RGS6: variants seen among roughly 807,000 people sequenced by gnomAD.
RGS6 encodes the protein regulator of G protein signaling 6, also known as regulator of G-protein signaling 6.
Under a neutral mutation model 78.5 loss-of-function variants are expected in RGS6, and 30 were observed. The observed-to-expected ratio is 0.38, with a 90% CI of 0.29 to 0.52. RGS6 has a LOEUF of 0.52. Among genes scored for constraint, RGS6 ranks in the 20% least tolerant of loss-of-function variants. RGS6 has a pLI of 0.85. For synonymous variants in RGS6, 206 were observed against 206.0 expected (o/e 1.00, Z 0.00); for missense variants, 495 against 609.7 (o/e 0.81, Z 1.98).
intron 1 of RGS6, among the ~76,000 whole-genome samples, chr14:71,942,734 C>T (rs532502350): frequency 4.6e-5 from 7 of 152,050 alleles, no homozygotes; most frequent in African/African-American, 1.7e-4. Context: ...TATGTGGCTA[C>T]CTTTTATATA....
At chr14:72,339,643 G>C (rs1329147907) in intron 2 of RGS6, among the ~76,000 whole-genome samples, 1 of 152,128 alleles carries the variant, frequency 6.6e-6, no homozygotes, top group East Asian at 1.9e-4. Context: ...TGAGGGGAAG[G>C]ACTCCAAGTC....
the RGS6 span, among the ~76,000 whole-genome samples, chr14:72,628,378 T>C: frequency 2.8e-5 from 4 of 143,016 alleles, no homozygotes; most frequent in Admixed American, 2.7e-4. Context: ...TCAAGCATTT[T>C]TTTCCTGCCA....
chr14:72,210,194 T>A (rs2043745778), intron 2 of RGS6, among the ~76,000 whole-genome samples: 2 of 152,324 alleles, frequency 1.3e-5, no homozygotes, highest in South Asian at 2.1e-4. Flanking sequence ...TGAGGATTAA[T>A]CCGTTAGAGC....
intron 2 of RGS6, among the ~76,000 whole-genome samples, chr14:72,184,636 G>A (rs2097215868): frequency 6.6e-6 from 1 of 151,982 alleles, no homozygotes; most frequent in Non-Finnish European, 1.5e-5. Flanking sequence ...GCAGAAGGGG[G>A]GACTTGGGCA....
intron 2 of RGS6, among the ~76,000 whole-genome samples, chr14:72,323,800 CAAAAAAAAAAAAAAAAAAAAA>C (rs58303649): frequency 3.1e-3 from 52 of 16,818 alleles, no homozygotes; most frequent in African/African-American, 7.9e-3. Flanking sequence ...GACTCCATCT[CAAAAAAAAAAAAAAAAAAAAA>C]AAAAAAAAAA....
intron 2 of RGS6, among the ~76,000 whole-genome samples, chr14:72,255,318 A>G (rs186425907): frequency 6.6e-5 from 10 of 152,246 alleles, no homozygotes; most frequent in African/African-American, 2.4e-4. Flanking sequence ...GTGGGAGTTT[A>G]AACTACTTGG....
At chr14:72,216,438 GCAC>G (rs1567495003) in intron 2 of RGS6, among the ~76,000 whole-genome samples, 1 of 152,174 alleles carries the variant, frequency 6.6e-6, no homozygotes, top group African/African-American at 2.4e-5. Context: ...GTAAGGCACC[GCAC>G]CAACACGAGG....
chr14:72,038,554 CTTTAT>C (rs1312042627), intron 2 of RGS6, among the ~76,000 whole-genome samples: 1 of 151,988 alleles, frequency 6.6e-6, no homozygotes, highest in South Asian at 2.1e-4. Context: ...TTTAGGTCCT[CTTTAT>C]TTCATTAGCA....
At chr14:72,569,681 A>G (rs904454306), downstream of RGS6, among the ~76,000 whole-genome samples, 1 of 146,076 alleles carries the variant, frequency 6.8e-6, no homozygotes, top group African/African-American at 2.5e-5. Context: ...CAAGGAAGGA[A>G]GAAAGGAAGG....
At chr14:72,313,219 C>T (rs13329057) in intron 2 of RGS6, among the ~76,000 whole-genome samples, 2,965 of 152,288 alleles carry the variant, frequency 0.019, 101 homozygotes, top group African/African-American at 0.066. Flanking sequence ...GGAGATGCTA[C>T]GTAATTTTCT....
intron 2 of RGS6, among the ~76,000 whole-genome samples, chr14:72,093,935 A>G (rs532310797): frequency 4.5e-4 from 69 of 152,356 alleles, no homozygotes; most frequent in African/African-American, 1.5e-3. Flanking sequence ...TCCTTCATTT[A>G]TCATGAGTTT....
At chr14:72,349,336 G>A (rs1293827544) in intron 2 of RGS6, among the ~76,000 whole-genome samples, 1 of 152,096 alleles carries the variant, frequency 6.6e-6, no homozygotes, top group Non-Finnish European at 1.5e-5. Context: ...CTCATGGTAA[G>A]AGGGCAAGAG....
intron 2 of RGS6, among the ~76,000 whole-genome samples, chr14:72,130,257 C>A (rs2096286199): frequency 6.6e-6 from 1 of 152,222 alleles, no homozygotes; most frequent in South Asian, 2.1e-4. Flanking sequence ...GGACATATCA[C>A]TGTCCTGGTA....
chr14:72,205,602 G>T (rs1241469730), intron 2 of RGS6, among the ~76,000 whole-genome samples: 2 of 152,122 alleles, frequency 1.3e-5, no homozygotes, highest in Non-Finnish European at 2.9e-5. Flanking sequence ...TACCAATCCA[G>T]ATCCTTAATT....
At chr14:72,518,196 A>G (rs2096979503) in intron 14 of RGS6, among the ~76,000 whole-genome samples, 155 bp from the exon 15 acceptor site, 1 of 152,228 alleles carries the variant, frequency 6.6e-6, no homozygotes, top group South Asian at 2.1e-4. Flanking sequence ...ATGTTTTCAC[A>G]ATCTCCATGG....
the RGS6 span, among the ~76,000 whole-genome samples, chr14:72,575,754 C>T: frequency 6.6e-6 from 1 of 152,182 alleles, no homozygotes; most frequent in African/African-American, 2.4e-5. Flanking sequence ...ACAATGTATA[C>T]AGGTGTCAAA....
rs1031597808 is a variant in RGS6, at chr14:71,935,928, C to T, written c.-21+2987C>T. On this transcript the variant is annotated intron_variant, in intron 1 of 17. Transcript: ENST00000553525. ...GAGAAGGTACATATCTAACAAGTCC[C>T]TGGATGATGCTGACTGCTGGTTTGG... 2.0e-5 allele frequency among the ~76,000 whole-genome samples: 3 copies of T among 148,310 alleles called. No individual in the cohort carries two copies. In the Admixed American group the frequency reaches 2.0e-4, roughly 10 times the overall value.
At chr14:72,391,353 A>T (rs964265665) in intron 3 of RGS6, among the ~76,000 whole-genome samples, 2 of 152,234 alleles carry the variant, frequency 1.3e-5, no homozygotes, top group Non-Finnish European at 2.9e-5. Flanking sequence ...CTGGCCGTGG[A>T]AAAGGGAAGT....
chr14:72,410,886 C>T (rs1198118468), intron 3 of RGS6, among the ~76,000 whole-genome samples: 4 of 152,078 alleles, frequency 2.6e-5, no homozygotes, highest in Non-Finnish European at 4.4e-5. Flanking sequence ...TGTAGATATG[C>T]AGCATTATTT....
Sources: allele counts gnomAD v4.1 joint callset (sites outside exome capture counted in the v4.1 genomes callset), GRCh38; gene constraint gnomAD v4.1.1; transcripts MANE v1.5; gene names NCBI Gene and HGNC (gene_info 2026-07-23, HGNC 2026-07-21).